The following LINGO2 variants were observed in gnomAD, a reference collection of about 807,000 sequenced individuals.
LINGO2 encodes the protein leucine rich repeat and Ig domain containing 2, also known as leucine-rich repeat and immunoglobulin-like domain-containing nogo receptor-interacting protein 2.
LINGO2 carries 14 observed loss-of-function variants against 30.6 expected under a neutral mutation model. The ratio of observed to expected loss-of-function variants is 0.46; its 90% CI spans 0.30 to 0.72. The LOEUF is 0.72. Ranked by LOEUF, LINGO2 falls within the 30% of genes least tolerant of loss-of-function variation. LINGO2 has a pLI of 0.07. For missense variants in LINGO2, 729 were observed against 751.7 expected (o/e 0.97, Z 0.35); for synonymous variants, 317 against 288.5 (o/e 1.10, Z -1.00).
chr9:28,298,640 G>A (rs149262854), intron 3 of LINGO2, among the ~76,000 whole-genome samples: 2,099 of 150,564 alleles, frequency 0.014, 23 homozygotes, highest in Non-Finnish European at 0.021. Flanking sequence ...CCGAGATTGT[G>A]CCATTGCACT....
intron 4 of LINGO2, among the ~76,000 whole-genome samples, chr9:28,279,778 A>T (rs1048321276): frequency 1.3e-5 from 2 of 152,102 alleles, no homozygotes; most frequent in African/African-American, 4.8e-5. Context: ...CAGCCCTTCA[A>T]AACTGTAAAC....
chr9:28,880,901 A>G, the LINGO2 span, among the ~76,000 whole-genome samples: 50 of 152,268 alleles, frequency 3.3e-4, no homozygotes, highest in Non-Finnish European at 5.3e-4. Context: ...CTACGTGCAC[A>G]TCCAGCCATA....
chr9:28,158,657 G>C (rs1828202543), intron 4 of LINGO2, among the ~76,000 whole-genome samples: 1 of 152,100 alleles, frequency 6.6e-6, no homozygotes, highest in South Asian at 2.1e-4. Flanking sequence ...GATATCCCTA[G>C]GGTAACAATG....
At chr9:28,686,590 G>C in the LINGO2 span, among the ~76,000 whole-genome samples, 3 of 151,992 alleles carry the variant, frequency 2.0e-5, no homozygotes, top group Non-Finnish European at 4.4e-5. Flanking sequence ...ATGGCAAGCA[G>C]AACACCTGCA....
the LINGO2 span, among the ~76,000 whole-genome samples, chr9:28,969,890 T>C: frequency 5.3e-5 from 8 of 152,236 alleles, no homozygotes; most frequent in Non-Finnish European, 1.0e-4. Flanking sequence ...TAAAATATCA[T>C]GTTTCTTTGT....
chr9:28,838,810 T>C, the LINGO2 span, among the ~76,000 whole-genome samples: 1 of 152,212 alleles, frequency 6.6e-6, no homozygotes, highest in Non-Finnish European at 1.5e-5. Flanking sequence ...TTGGCTATGT[T>C]ACCAGCCCAG....
At chr9:28,421,652 C>A (rs1823204242) in intron 2 of LINGO2, among the ~76,000 whole-genome samples, 1 of 152,014 alleles carries the variant, frequency 6.6e-6, no homozygotes, top group South Asian at 2.1e-4. Context: ...TGTGAAAAGT[C>A]CACCTTCTAG....
At chr9:28,745,018 A>G in the LINGO2 span, among the ~76,000 whole-genome samples, 1 of 151,954 alleles carries the variant, frequency 6.6e-6, no homozygotes, top group Admixed American at 6.6e-5. Flanking sequence ...ATGCTTAGGC[A>G]CCCATGTCAT....
At chr9:28,748,786 C>T in the LINGO2 span, among the ~76,000 whole-genome samples, 3,919 of 151,882 alleles carry the variant, frequency 0.026, 201 homozygotes, top group African/African-American at 0.087. Context: ...TCCCTCCAAA[C>T]CTTTAGCAGA....
At chr9:28,293,638 G>A (rs10968452) in intron 4 of LINGO2, among the ~76,000 whole-genome samples, 10,957 of 151,994 alleles carry the variant, frequency 0.072, 718 homozygotes, top group East Asian at 0.38. Flanking sequence ...AATCCTTGCT[G>A]ATTTTCTGTC....
the LINGO2 span, among the ~76,000 whole-genome samples, chr9:29,190,360 T>C: frequency 6.6e-6 from 1 of 152,132 alleles, no homozygotes. Flanking sequence ...ATAACCAAAT[T>C]TGAGTAAGCT....
rs563376637 is a variant in LINGO2 at position 28,067,172 on chromosome 9, G to A, written c.-86-54767C>T. On this transcript the variant is annotated intron_variant, in intron 4 of 5. Coordinates refer to ENST00000379992, the Ensembl canonical transcript of LINGO2. ...AGCACAAAATATTTTCACAGTAACA[G>A]CCCTTTTAAAATATCTTTGTGAACA... Among the ~76,000 whole-genome samples, 18 of 152,084 alleles carry A rather than the reference G, an allele frequency of 1.2e-4. No homozygotes were observed. In the East Asian group the frequency reaches 2.5e-3, roughly 21 times the overall value.
chr9:28,034,712 T>C (rs1823848055), intron 4 of LINGO2, among the ~76,000 whole-genome samples: 1 of 152,224 alleles, frequency 6.6e-6, no homozygotes, highest in South Asian at 2.1e-4. Context: ...ATGTTTTTCT[T>C]ATGATTTCAA....
At chr9:28,183,954 G>A (rs1430741342) in intron 4 of LINGO2, among the ~76,000 whole-genome samples, 2 of 152,204 alleles carry the variant, frequency 1.3e-5, no homozygotes, top group Non-Finnish European at 2.9e-5. Flanking sequence ...AATCAATCAT[G>A]AGGCTTGTAT....
chr9:28,993,246 A>C, the LINGO2 span, among the ~76,000 whole-genome samples: 1 of 152,098 alleles, frequency 6.6e-6, no homozygotes, highest in South Asian at 2.1e-4. Flanking sequence ...ACCTCTATGC[A>C]AATAAACTAG....
chr9:28,001,117 T>C (rs1433599877), intron 5 of LINGO2, among the ~76,000 whole-genome samples: 1 of 152,230 alleles, frequency 6.6e-6, no homozygotes, highest in African/African-American at 2.4e-5. Flanking sequence ...TTTCTTAATC[T>C]AGTACAGAAG....
At chr9:29,012,217 T>C in the LINGO2 span, among the ~76,000 whole-genome samples, 1 of 152,046 alleles carries the variant, frequency 6.6e-6, no homozygotes, top group East Asian at 1.9e-4. Context: ...AGTTAGCTGG[T>C]CGTGGTGGCA....
chr9:29,038,999 T>C, the LINGO2 span, among the ~76,000 whole-genome samples: 1 of 152,184 alleles, frequency 6.6e-6, no homozygotes, highest in Non-Finnish European at 1.5e-5. Flanking sequence ...AATCAGTGAC[T>C]ACTCAAATAA....
chr9:28,360,369 A>T (rs1820393716), intron 3 of LINGO2, among the ~76,000 whole-genome samples: 1 of 152,204 alleles, frequency 6.6e-6, no homozygotes, highest in Non-Finnish European at 1.5e-5. Context: ...CAAGGAACCT[A>T]TACCTGCAAA....
Sources: allele counts gnomAD v4.1 joint callset (sites outside exome capture counted in the v4.1 genomes callset), GRCh38; gene constraint gnomAD v4.1.1; transcripts MANE v1.5; gene names NCBI Gene and HGNC (gene_info 2026-07-23, HGNC 2026-07-21).